Variants in GRIN2A observed in about 807,000 individuals in gnomAD.
The protein encoded by GRIN2A is glutamate ionotropic receptor NMDA type subunit 2A, also known as glutamate receptor ionotropic, NMDA 2A.
In GRIN2A, 22 loss-of-function variants were observed where a neutral mutation model predicts 113.4. The ratio of observed to expected loss-of-function variants is 0.19; its 90% CI spans 0.14 to 0.28. The LOEUF is 0.28. Among genes scored for constraint, GRIN2A ranks in the 10% least tolerant of loss-of-function variants. The probability of loss-of-function intolerance (pLI) is 1.00; values close to 1 mark genes in which losing one functional copy is unlikely to be tolerated. For missense variants in GRIN2A, 1,502 were observed against 1,887.0 expected (o/e 0.80, Z 3.78); for synonymous variants, 827 against 738.4 (o/e 1.12, Z -1.94).
At chr16:9,803,018 A>C (rs1259984460) in intron 10 of GRIN2A, among the ~76,000 whole-genome samples, 6 of 133,446 alleles carry the variant, frequency 4.5e-5, no homozygotes, top group Non-Finnish European at 9.9e-5. Flanking sequence ...TGTTGTTAAA[A>C]AGAAAAAAAA....
chr16:10,000,101 C>A (rs72774051), intron 2 of GRIN2A, among the ~76,000 whole-genome samples: 14,192 of 152,142 alleles, frequency 0.093, 762 homozygotes, highest in African/African-American at 0.11. Flanking sequence ...CTCCTGCCTC[C>A]TTTCTTCCCT....
At chr16:9,874,592 C>T (rs528643800) in intron 4 of GRIN2A, among the ~76,000 whole-genome samples, 20 of 152,144 alleles carry the variant, frequency 1.3e-4, no homozygotes, top group African/African-American at 2.7e-4. Context: ...GATATATGAA[C>T]GCCACCCATC....
At chr16:10,079,201 G>T (rs1476426521) in intron 2 of GRIN2A, among the ~76,000 whole-genome samples, 5 of 152,212 alleles carry the variant, frequency 3.3e-5, no homozygotes, top group Non-Finnish European at 5.9e-5. Flanking sequence ...AGGGACTGGA[G>T]GAGAGGGGCA....
Position 9,762,981 on chromosome 16 carries a change from A to G in GRIN2A, c.*168T>C, listed in dbSNP as rs1406358102. On this transcript the variant is annotated 3_prime_UTR_variant, in exon 13 of 13. Transcript: ENST00000330684. Reference sequence around the variant, plus strand: ...CACCTCACAAGATTCCTTGAGTGGAAGATTATGGCATGAAGCCGTGTGCAA... The same window carrying G: ...CACCTCACAAGATTCCTTGAGTGGAGGATTATGGCATGAAGCCGTGTGCAA... 1.5e-6 allele frequency: 1 copy of G among 676,796 alleles called. No individual in the cohort carries two copies. Among genetic ancestry groups the G allele is most frequent in the Non-Finnish European group, 2.5e-6 (1 of 395,250 alleles). The allele number at this position is 676,796 out of a possible 1,614,324, so 41.9% of individuals were successfully genotyped here.
chr16:10,077,825 C>T (rs1325138710), intron 2 of GRIN2A, among the ~76,000 whole-genome samples: 2 of 152,172 alleles, frequency 1.3e-5, no homozygotes, highest in South Asian at 4.1e-4. Context: ...TTTGAAGCCT[C>T]TTTAGGGTCT....
chr16:10,139,728 C>T lies in GRIN2A; in HGVS notation c.414+40270G>A, dbSNP rs528366562. Among the ~76,000 whole-genome samples the T allele has an allele frequency of 2.6e-5, 4 of 152,302 alleles. No individual in the cohort carries two copies. In the East Asian group the frequency reaches 7.7e-4, roughly 29 times the overall value. On this transcript the variant is annotated intron_variant, in intron 2 of 12. Transcript: ENST00000330684. ...CCCAAGAGGTTGTAAGTTTAAAGAG[C>T]TCACAGGTTATTTTTAATATCAGAG... is the stretch of plus-strand genomic sequence containing the variant.
chr16:9,799,620 G>C (rs945249278), intron 10 of GRIN2A, among the ~76,000 whole-genome samples: 5 of 152,216 alleles, frequency 3.3e-5, no homozygotes, highest in Admixed American at 6.5e-5. Flanking sequence ...TAGGAAAACA[G>C]ATGGGTCCAC....
intron 2 of GRIN2A, among the ~76,000 whole-genome samples, chr16:10,014,247 C>T (rs903203108): frequency 2.0e-5 from 3 of 152,210 alleles, no homozygotes; most frequent in Admixed American, 6.5e-5. Context: ...GATACCTTCC[C>T]CTTCTCAACC....
At chr16:9,813,981 G>A (rs1052145305) in intron 10 of GRIN2A, among the ~76,000 whole-genome samples, 1 of 152,080 alleles carries the variant, frequency 6.6e-6, no homozygotes, top group Non-Finnish European at 1.5e-5. Flanking sequence ...AATAAAACCT[G>A]CTCAAATGGC....
At chr16:9,949,507 G>C (rs2099228675) in intron 2 of GRIN2A, among the ~76,000 whole-genome samples, 3 of 151,898 alleles carry the variant, frequency 2.0e-5, no homozygotes, top group African/African-American at 7.3e-5. Context: ...TAGATGGATG[G>C]ATGACGGAAG....
intron 2 of GRIN2A, among the ~76,000 whole-genome samples, chr16:10,011,543 G>A (rs1158429233): frequency 1.3e-5 from 2 of 152,142 alleles, no homozygotes. Flanking sequence ...AAAACACAAG[G>A]TCAGGGCCGA....
chr16:9,944,078 A>G (rs1198638330), intron 2 of GRIN2A, among the ~76,000 whole-genome samples: 3 of 152,032 alleles, frequency 2.0e-5, no homozygotes, highest in African/African-American at 7.2e-5. Flanking sequence ...ACTATTGTCA[A>G]CCCCACACCC....
At chr16:9,900,998 A>T (rs1023885218) in intron 3 of GRIN2A, among the ~76,000 whole-genome samples, 1 of 152,240 alleles carries the variant, frequency 6.6e-6, no homozygotes, top group Admixed American at 6.5e-5. Context: ...TCTTCCAACC[A>T]AAAACTATAG....
At chr16:10,100,106 T>A (rs1439882370) in intron 2 of GRIN2A, among the ~76,000 whole-genome samples, 1 of 152,172 alleles carries the variant, frequency 6.6e-6, no homozygotes, top group Non-Finnish European at 1.5e-5. Flanking sequence ...TGAGGGCAAC[T>A]GCAAGAAGGC....
At chr16:10,089,614 G>C (rs1042489746) in intron 2 of GRIN2A, among the ~76,000 whole-genome samples, 1 of 152,124 alleles carries the variant, frequency 6.6e-6, no homozygotes, top group African/African-American at 2.4e-5. Flanking sequence ...GGAGGGTTGA[G>C]GGGCTCTGTT....
At chr16:10,163,212 C>G (rs2049840128) in intron 2 of GRIN2A, among the ~76,000 whole-genome samples, 1 of 152,146 alleles carries the variant, frequency 6.6e-6, no homozygotes, top group Non-Finnish European at 1.5e-5. Flanking sequence ...GCTTCAGCTC[C>G]TGTGCTTTTC....
chr16:10,176,139 G>C (rs1422398472), intron 2 of GRIN2A, among the ~76,000 whole-genome samples: 1 of 151,432 alleles, frequency 6.6e-6, no homozygotes, highest in African/African-American at 2.4e-5. Context: ...CTGAGTAGCT[G>C]GGATTACAGG....
intron 2 of GRIN2A, among the ~76,000 whole-genome samples, chr16:10,177,271 C>T (rs555396679): frequency 8.5e-5 from 13 of 152,314 alleles, no homozygotes; most frequent in South Asian, 2.1e-4. Context: ...TCTCAAAATA[C>T]GACCTTTTAA....
At chr16:10,003,738 T>C (rs532651628) in intron 2 of GRIN2A, among the ~76,000 whole-genome samples, 7 of 152,282 alleles carry the variant, frequency 4.6e-5, no homozygotes, top group African/African-American at 1.7e-4. Flanking sequence ...CGGCAGAATA[T>C]CTAGGGAATA....
Sources: allele counts gnomAD v4.1 joint callset (sites outside exome capture counted in the v4.1 genomes callset), GRCh38; gene constraint gnomAD v4.1.1; transcripts MANE v1.5; gene names NCBI Gene and HGNC (gene_info 2026-07-23, HGNC 2026-07-21).